The following FAM219A variants were observed in gnomAD, a reference collection of about 807,000 sequenced individuals.
FAM219A encodes protein FAM219A.
Under a neutral mutation model 23.4 loss-of-function variants are expected in FAM219A, and 7 were observed. That is an observed-to-expected ratio of 0.30 (90% CI 0.17 to 0.56). The LOEUF (loss-of-function observed/expected upper bound fraction) is 0.56. Among genes scored for constraint, FAM219A ranks in the 20% least tolerant of loss-of-function variants. FAM219A has a pLI of 0.92. For missense variants in FAM219A, 166 were observed against 246.9 expected (o/e 0.67, Z 2.20); for synonymous variants, 93 against 99.0 (o/e 0.94, Z 0.36).
intron 1 of FAM219A, among the ~76,000 whole-genome samples, chr9:34,408,650 C>T (rs1476204319): frequency 6.6e-6 from 1 of 152,176 alleles, no homozygotes; most frequent in African/African-American, 2.4e-5. Flanking sequence ...CCTTTGCCTC[C>T]TCTGTAGGGT....
chr9:34,423,468 G>C (rs972295617), intron 1 of FAM219A, among the ~76,000 whole-genome samples: 13 of 152,220 alleles, frequency 8.5e-5, no homozygotes, highest in Non-Finnish European at 1.8e-4. Context: ...AAAAGAACAG[G>C]TCAATTTTAC....
chr9:34,402,903 C>T (rs997864060), intron 2 of FAM219A, 96 bp from the exon 3 acceptor site: 2 of 1,059,488 alleles, frequency 1.9e-6, no homozygotes, highest in African/African-American at 1.6e-5. Flanking sequence ...ACTGTGAAAC[C>T]ACTTGCTCCT....
At chr9:34,401,179 C>G in intron 5 of FAM219A, 57 bp from the exon 6 acceptor site, 1 of 1,587,650 alleles carries the variant, frequency 6.3e-7, no homozygotes, top group Non-Finnish European at 8.6e-7. Flanking sequence ...CCACCCACAG[C>G]TCTGCGGCCA....
intron 1 of FAM219A, among the ~76,000 whole-genome samples, chr9:34,425,259 C>T (rs1822415763): frequency 6.6e-6 from 1 of 152,050 alleles, no homozygotes; most frequent in Admixed American, 6.6e-5. Flanking sequence ...GCAGGCAGAT[C>T]ACCTGAGGTC....
intron 1 of FAM219A, among the ~76,000 whole-genome samples, chr9:34,410,644 G>A (rs923330789): frequency 6.6e-6 from 1 of 152,096 alleles, no homozygotes; most frequent in Non-Finnish European, 1.5e-5. Flanking sequence ...TCCTCCACTG[G>A]GCAACAGACA....
intron 1 of FAM219A, among the ~76,000 whole-genome samples, chr9:34,449,056 G>A (rs1823472082): frequency 6.6e-6 from 1 of 151,760 alleles, no homozygotes; most frequent in Admixed American, 6.6e-5. Flanking sequence ...AGTACTAGCT[G>A]GGTGCAGTGG....
chr9:34,413,758 G>C (rs150010634), intron 1 of FAM219A, among the ~76,000 whole-genome samples: 1 of 152,284 alleles, frequency 6.6e-6, no homozygotes, highest in East Asian at 1.9e-4. Context: ...ATTTTCCCTG[G>C]ATAATAGCAG....
Position 34,407,253 on chromosome 9 carries a change from G to T in FAM219A, c.61-1289C>A, listed in dbSNP as rs564544532. Reference sequence around the variant, plus strand: ...GTGCTGCCATCCTAGCTATAGGATGGGGGTCTGGCTTCCCTTTAATAAGAG... The same window carrying T: ...GTGCTGCCATCCTAGCTATAGGATGTGGGTCTGGCTTCCCTTTAATAAGAG... On this transcript the variant is annotated intron_variant, in intron 1 of 5. Transcript: ENST00000651358. Among the ~76,000 whole-genome samples, 18 of 152,128 alleles carry T rather than the reference G, an allele frequency of 1.2e-4. No individual in the cohort carries two copies. The South Asian group carries it at 3.5e-3, about 30-fold the overall frequency.
At position 34,398,454 on chromosome 9, in the gene FAM219A, G is replaced by A; in HGVS notation, c.*2510C>T. On this transcript the variant is annotated 3_prime_UTR_variant, in exon 6 of 6. Coordinates refer to ENST00000651358, the MANE Select transcript of FAM219A (RefSeq NM_001184940.2). ...CTAGATTCTTCCCTCCAACCTCCCA[G>A]ACAGGGAAGGAGGGAGCCACACCCC... is the stretch of plus-strand genomic sequence containing the variant. 2 of 1,417,946 alleles carry A rather than the reference G, an allele frequency of 1.4e-6. No individual in the cohort carries two copies. Among genetic ancestry groups the A allele is most frequent in the East Asian group, 2.5e-5 (1 of 40,164 alleles). 87.8% of individuals were successfully genotyped at this position (1,417,946 alleles called of 1,614,324 possible). A position where few individuals can be genotyped will look rare whatever the true frequency, so the allele number is the denominator to read the frequency against.
chr9:34,404,364 TGGG>T (rs1206126381), intron 2 of FAM219A, among the ~76,000 whole-genome samples: 2 of 152,148 alleles, frequency 1.3e-5, no homozygotes, highest in South Asian at 4.1e-4. Context: ...GAGAATGTGA[TGGG>T]GGAGAGTAAA....
chr9:34,429,424 C>G (rs1389368125), intron 1 of FAM219A, among the ~76,000 whole-genome samples: 2 of 152,204 alleles, frequency 1.3e-5, no homozygotes, highest in Non-Finnish European at 2.9e-5. Flanking sequence ...CACTCACCAG[C>G]TCAGGGAATC....
intron 1 of FAM219A, among the ~76,000 whole-genome samples, chr9:34,447,456 G>A (rs962825698): frequency 1.3e-5 from 2 of 152,180 alleles, no homozygotes; most frequent in African/African-American, 4.8e-5. Flanking sequence ...AAACCTAAAA[G>A]TATCCACTAG....
chr9:34,451,982 AACCCATAG>A (rs1823577310), intron 1 of FAM219A, among the ~76,000 whole-genome samples: 1 of 152,256 alleles, frequency 6.6e-6, no homozygotes, highest in South Asian at 2.1e-4. Context: ...GTCAGAAAAA[AACCCATAG>A]ATTTGACTAG....
chr9:34,401,630 C>A (rs780274351), intron 5 of FAM219A, 36 bp downstream of exon 5: 4 of 1,595,928 alleles, frequency 2.5e-6, no homozygotes, highest in Non-Finnish European at 2.6e-6. Flanking sequence ...TGATCCTGCC[C>A]GGTGGTGTCT....
In FAM219A at chr9:34,440,127, A is replaced by G. The variant is rs1035690169; in HGVS notation, c.60+18077T>C. On this transcript the variant is annotated intron_variant, in intron 1 of 5. Coordinates refer to ENST00000651358, the MANE Select transcript of FAM219A (RefSeq NM_001184940.2). ...CAAGGCTGTGAGGCTCTTATCAGGAATCCTGTACTGGGTGGTCAGCTGTCA... is the reference window on the plus strand; with the variant it reads ...CAAGGCTGTGAGGCTCTTATCAGGAGTCCTGTACTGGGTGGTCAGCTGTCA... Among the ~76,000 whole-genome samples, 22 of 152,262 alleles carry G rather than the reference A, an allele frequency of 1.4e-4. No individual in the cohort carries two copies. The East Asian group carries it at 4.2e-3, about 29-fold the overall frequency.
Position 34,458,321 on chromosome 9 carries a change from G to A in FAM219A, c.-58C>T. On this transcript the variant is annotated 5_prime_UTR_variant, in exon 1 of 6. Transcript: ENST00000651358. The surrounding 1 kb of genome is among the most constrained non-coding windows in gnomAD (Gnocchi z 6.6). ...CGCGGCCGCGGACGCCGACAGGACC[G>A]CGCGGGGCGGCGGCCCCAGGAGCCC... 8.3e-7 allele frequency: 1 copy of A among 1,201,378 alleles called. No individual in the cohort carries two copies. Among genetic ancestry groups the A allele is most frequent in the Non-Finnish European group, 1.0e-6 (1 of 964,196 alleles). The allele number at this position is 1,201,378 out of a possible 1,614,324, so 74.4% of individuals were successfully genotyped here.
At chr9:34,445,563 A>G (rs897710509) in intron 1 of FAM219A, among the ~76,000 whole-genome samples, 2 of 152,206 alleles carry the variant, frequency 1.3e-5, no homozygotes, top group African/African-American at 2.4e-5. Flanking sequence ...GGTGAAGGAC[A>G]TGGCTGGACT....
intron 1 of FAM219A, among the ~76,000 whole-genome samples, chr9:34,407,475 T>C (rs1483120982): frequency 1.4e-5 from 2 of 144,364 alleles, no homozygotes; most frequent in African/African-American, 4.9e-5. Context: ...AAATATCAAC[T>C]TATCACCCAT....
intron 2 of FAM219A, among the ~76,000 whole-genome samples, chr9:34,405,592 G>A (rs1821603882): frequency 6.6e-6 from 1 of 152,122 alleles, no homozygotes; most frequent in South Asian, 2.1e-4. Context: ...CTCTCTCTGG[G>A]GTTCCATGCT....
Sources: allele counts gnomAD v4.1 joint callset (sites outside exome capture counted in the v4.1 genomes callset), GRCh38; gene constraint gnomAD v4.1.1; non-coding constraint Gnocchi (gnomAD v3.1); transcripts MANE v1.5; gene names NCBI Gene and HGNC (gene_info 2026-07-23, HGNC 2026-07-21).